The following SH2D1A variants were observed in gnomAD, a reference collection of about 807,000 sequenced individuals.
SH2D1A encodes the protein SH2 domain containing 1A.
Under a neutral mutation model 10.1 loss-of-function variants are expected in SH2D1A, and 6 were observed. The ratio of observed to expected loss-of-function variants is 0.60; its 90% CI spans 0.33 to 1.18. The LOEUF is 1.18. SH2D1A is among the 50% of genes most tolerant of loss of function. The pLI is 0.04. For synonymous variants in SH2D1A, 42 were observed against 36.9 expected (o/e 1.14, Z -0.51); for missense variants, 51 against 97.6 (o/e 0.52, Z 2.01).
chrX:124,351,883 C>G (rs1199428434), intron 1 of SH2D1A, among the ~76,000 whole-genome samples: 1 of 110,370 alleles, frequency 9.1e-6, no homozygotes, highest in Non-Finnish European at 1.9e-5. Flanking sequence ...TTGACACATA[C>G]AAAAATCAAA....
intron 1 of SH2D1A, among the ~76,000 whole-genome samples, chrX:124,356,807 G>T (rs10482494): frequency 0.087 from 9,729 of 111,605 alleles, 407 homozygotes; most frequent in African/African-American, 0.16. Flanking sequence ...GTGTAATTTT[G>T]AACCATTGTT....
At chrX:124,349,142 A>G (rs1386958008) in intron 1 of SH2D1A, among the ~76,000 whole-genome samples, 2 of 109,830 alleles carry the variant, frequency 1.8e-5, no homozygotes, top group African/African-American at 6.7e-5. Flanking sequence ...CTCCATGAAA[A>G]CCTCCTTGTG....
At chrX:124,351,993 T>C (rs138350018) in intron 1 of SH2D1A, among the ~76,000 whole-genome samples, 1 of 111,322 alleles carries the variant, frequency 9.0e-6, no homozygotes, top group East Asian at 2.8e-4. Context: ...TTTTGACACA[T>C]ACAAAAATCA....
At chrX:124,355,197 T>C (rs1161947738) in intron 1 of SH2D1A, among the ~76,000 whole-genome samples, 2 of 112,283 alleles carry the variant, frequency 1.8e-5, no homozygotes, top group Non-Finnish European at 1.9e-5. Flanking sequence ...CTTGACGTGG[T>C]ATAAAAAAGG....
At chrX:124,350,079 G>T (rs1264804974) in intron 1 of SH2D1A, among the ~76,000 whole-genome samples, 2 of 91,185 alleles carry the variant, frequency 2.2e-5, no homozygotes, top group Non-Finnish European at 4.2e-5. Flanking sequence ...ATTCTTACGA[G>T]TGACGTATTT....
chrX:124,358,041 C>T (rs1325240454), intron 1 of SH2D1A, among the ~76,000 whole-genome samples: 2 of 110,866 alleles, frequency 1.8e-5, no homozygotes, highest in East Asian at 5.6e-4. Flanking sequence ...AACTCCTTAT[C>T]ATATGTATGG....
chrX:124,352,409 T>C (rs887098404), intron 1 of SH2D1A, among the ~76,000 whole-genome samples: 1 of 111,501 alleles, frequency 9.0e-6, no homozygotes, highest in Admixed American at 9.6e-5. Context: ...TTTTAAAAAT[T>C]ATTTGCTATT....
intron 1 of SH2D1A, among the ~76,000 whole-genome samples, chrX:124,364,857 C>G (rs893641006): frequency 1.8e-5 from 2 of 111,630 alleles, no homozygotes; most frequent in Admixed American, 9.5e-5. Flanking sequence ...TCACTCACCA[C>G]TCACTCATTG....
At chrX:124,360,437 G>A in intron 1 of SH2D1A, among the ~76,000 whole-genome samples, 1 of 60,434 alleles carries the variant, frequency 1.7e-5, no homozygotes, top group Non-Finnish European at 2.8e-5. Context: ...CCCTGTCTCT[G>A]CAAAAACTAA....
chrX:124,371,472 G>A lies in SH2D1A; in HGVS notation c.*81G>A, dbSNP rs936697034. The A allele has an allele frequency of 6.4e-6, 4 of 625,740 alleles. No individual in the cohort carries two copies. The African/African-American group carries it at 7.1e-5, about 11-fold the overall frequency. 51.6% of individuals were successfully genotyped at this position (625,740 alleles called of 1,213,427 possible). A position where few individuals can be genotyped will look rare whatever the true frequency, so the allele number is the denominator to read the frequency against. On this transcript the variant is annotated 3_prime_UTR_variant, in exon 4 of 4. Coordinates refer to ENST00000371139, the MANE Select transcript of SH2D1A (RefSeq NM_002351.5). Reference sequence around the variant, plus strand: ...TTATATATTGTAGATAATACAGTTCGGTGAGCTACAAATGCATTTCTAAAG... The same window carrying A: ...TTATATATTGTAGATAATACAGTTCAGTGAGCTACAAATGCATTTCTAAAG...
intron 1 of SH2D1A, among the ~76,000 whole-genome samples, chrX:124,363,647 A>G (rs1453094314): frequency 3.6e-5 from 4 of 110,754 alleles, no homozygotes; most frequent in Non-Finnish European, 5.7e-5. Context: ...TAATCCCAGC[A>G]CTGTGGGAGG....
intron 2 of SH2D1A, among the ~76,000 whole-genome samples, chrX:124,369,296 T>C (rs1202780567): frequency 8.9e-6 from 1 of 111,877 alleles, no homozygotes. Flanking sequence ...TTATTTTACG[T>C]AAAATGACAG....
chrX:124,365,767 C>T lies in SH2D1A; in HGVS notation c.144C>T (p.His48=), dbSNP rs765804146. The part of the protein sequence containing the change: ...PGVYCLCVLY[H]GYIYTYRVSQ... The stretch of plus-strand genomic sequence containing the variant: ...GAAGTTTATTCTTTCACAGGTATCA[C>T]GGTTACATTTATACATACCGAGTGT... The change falls in exon 2 of 4, where the codon CAC becomes CAT. Residue 48 remains histidine, a synonymous_variant. Transcript: ENST00000371139. 3.1e-5 allele frequency: 36 copies of T among 1,143,296 alleles called. No individual in the cohort carries two copies. Among genetic ancestry groups the T allele is most frequent in the South Asian group, 3.1e-4 (17 of 55,277 alleles). The allele number at this position is 1,143,296 out of a possible 1,213,427, so 94.2% of individuals were successfully genotyped here.
At chrX:124,359,005 A>G (rs947878215) in intron 1 of SH2D1A, among the ~76,000 whole-genome samples, 5 of 111,831 alleles carry the variant, frequency 4.5e-5, no homozygotes, top group African/African-American at 1.6e-4. Context: ...CAGTTACTTC[A>G]GTAACTTGAA....
rs2147519307 is a variant in SH2D1A, at chrX:124,346,617, C to T, written c.-26C>T. On this transcript the variant is annotated 5_prime_UTR_variant, in exon 1 of 4. Transcript: ENST00000371139. ...ATCTCCCTTGCACAGTTCTCCTCCTCGGCCTGCCCAAGAGTCCACCAGGCC... is the reference window on the plus strand; with the variant it reads ...ATCTCCCTTGCACAGTTCTCCTCCTTGGCCTGCCCAAGAGTCCACCAGGCC... 1 of 1,210,068 alleles carries T rather than the reference C, an allele frequency of 8.3e-7. No individual in the cohort carries two copies. Among genetic ancestry groups the T allele is most frequent in the South Asian group, 1.8e-5 (1 of 56,934 alleles).
chrX:124,370,851 T>C (rs1317321278), intron 3 of SH2D1A, among the ~76,000 whole-genome samples: 1 of 112,198 alleles, frequency 8.9e-6, no homozygotes, highest in Non-Finnish European at 1.9e-5. Flanking sequence ...CTGGCACATA[T>C]TGTTACATAT....
intron 1 of SH2D1A, among the ~76,000 whole-genome samples, chrX:124,354,343 C>T (rs2060021692): frequency 9.0e-6 from 1 of 111,443 alleles, no homozygotes; most frequent in Non-Finnish European, 1.9e-5. Context: ...GGCCTCTTCC[C>T]TTCAGCTCCC....
chrX:124,359,181 G>A (rs953696684), intron 1 of SH2D1A, among the ~76,000 whole-genome samples: 1 of 111,576 alleles, frequency 9.0e-6, no homozygotes, highest in South Asian at 3.8e-4. Context: ...AAGGAGGTAC[G>A]AAGTTTTGAA....
chrX:124,350,547 CTATATTATATATAG>C (rs1365441527), intron 1 of SH2D1A, among the ~76,000 whole-genome samples: 1 of 39,296 alleles, frequency 2.5e-5, no homozygotes, highest in Non-Finnish European at 3.9e-5. Flanking sequence ...ATAATATATA[CTATATTATATATAG>C]TATATTATAT....
Sources: allele counts gnomAD v4.1 joint callset (sites outside exome capture counted in the v4.1 genomes callset), GRCh38; gene constraint gnomAD v4.1.1; transcripts MANE v1.5; gene names NCBI Gene and HGNC (gene_info 2026-07-23, HGNC 2026-07-21).